The following DMD variants were observed in gnomAD, a reference collection of about 807,000 sequenced individuals.
DMD encodes mutant dystrophin.
Under a neutral mutation model 330.1 loss-of-function variants are expected in DMD, and 63 were observed. That is an observed-to-expected ratio of 0.19 (90% CI 0.16 to 0.24). DMD has a LOEUF of 0.24. Ranked by LOEUF, DMD falls within the 10% of genes least tolerant of loss-of-function variation. The pLI, the probability that DMD is intolerant of heterozygous loss-of-function variation, is 1.00. For missense variants in DMD, 3,344 were observed against 2,684.1 expected (o/e 1.25, Z -5.43); for synonymous variants, 1,223 against 959.8 (o/e 1.27, Z -5.07).
chrX:31,186,510 G>A (rs768506991), intron 67 of DMD, among the ~76,000 whole-genome samples: 2 of 111,556 alleles, frequency 1.8e-5, no homozygotes, highest in Non-Finnish European at 3.8e-5. Context: ...GAGGATGGAG[G>A]GTGGGAGGAG....
At chrX:31,787,571 G>A (rs766786696) in intron 50 of DMD, among the ~76,000 whole-genome samples, 152 of 111,175 alleles carry the variant, frequency 1.4e-3, no homozygotes, top group African/African-American at 4.9e-3. Flanking sequence ...TGTGAAATAT[G>A]CACACTTCCT....
At chrX:32,929,817 G>A (rs2089431804) in intron 2 of DMD, among the ~76,000 whole-genome samples, 1 of 111,061 alleles carries the variant, frequency 9.0e-6, no homozygotes, top group South Asian at 3.8e-4. Context: ...GTGGTATTTG[G>A]TTTTCTGTTC....
intron 44 of DMD, among the ~76,000 whole-genome samples, chrX:32,037,827 T>C (rs1422836673): frequency 8.9e-6 from 1 of 112,070 alleles, no homozygotes; most frequent in Non-Finnish European, 1.9e-5. Context: ...AAATTCTTTG[T>C]TTCCAGTGTA....
intron 7 of DMD, among the ~76,000 whole-genome samples, chrX:32,766,107 G>T (rs895635720): frequency 9.0e-6 from 1 of 111,045 alleles, no homozygotes. Context: ...TAGCTTTGTA[G>T]TAAGTTTTGA....
intron 2 of DMD, among the ~76,000 whole-genome samples, chrX:32,863,569 C>T (rs1165212484): frequency 2.1e-5 from 2 of 94,021 alleles, no homozygotes; most frequent in Non-Finnish European, 4.3e-5. Context: ...CACACACACA[C>T]ACACAAATAC....
At chrX:31,964,708 G>A (rs1016545900) in intron 45 of DMD, among the ~76,000 whole-genome samples, 1 of 109,598 alleles carries the variant, frequency 9.1e-6, no homozygotes, top group Non-Finnish European at 1.9e-5. Context: ...GTTAACAATT[G>A]TTGACTCTAA....
chrX:33,046,396 C>T (rs1333641272), intron 1 of DMD, among the ~76,000 whole-genome samples: 1 of 111,352 alleles, frequency 9.0e-6, no homozygotes, highest in Non-Finnish European at 1.9e-5. Context: ...AGGTGTAGGG[C>T]CCAAGGCTTC....
At chrX:31,965,020 A>G (rs1364921980) in intron 45 of DMD, among the ~76,000 whole-genome samples, 2 of 111,631 alleles carry the variant, frequency 1.8e-5, no homozygotes. Flanking sequence ...CAATTTAGGA[A>G]TTCCACTTCC....
chrX:33,244,621 T>A lies in DMD; in HGVS notation c.7+94638A>T, dbSNP rs776389413. On this transcript the variant is annotated intron_variant, in intron 1 of 17. Coordinates refer to the DMD transcript ENST00000288447. ...AATGGTCAATTGTGAATAAATTGTT[T>A]GATTTGATTCGTAGTTTTTTAACTG... 5.4e-5 allele frequency among the ~76,000 whole-genome samples: 6 copies of A among 112,020 alleles called. No individual in the cohort carries two copies. The East Asian group carries it at 1.7e-3, about 31-fold the overall frequency.
At chrX:31,144,999 C>T (rs771763138) in intron 76 of DMD, among the ~76,000 whole-genome samples, 1 of 111,985 alleles carries the variant, frequency 8.9e-6, no homozygotes. Flanking sequence ...GAACCTAGTC[C>T]TAGGCAGAGA....
Position 32,675,380 on chromosome X carries a change from T to A in DMD, c.960+22490A>T, listed in dbSNP as rs565973708. ...CAAGGAAAAAAGATTAATGAAGTCATCTGTTGATAGATTTCACAGCAATTA... is the reference window on the plus strand; with the variant it reads ...CAAGGAAAAAAGATTAATGAAGTCAACTGTTGATAGATTTCACAGCAATTA... On this transcript the variant is annotated intron_variant, in intron 9 of 78. Transcript: ENST00000357033. Among the ~76,000 whole-genome samples the A allele has an allele frequency of 6.3e-5, 7 of 111,588 alleles. No individual in the cohort carries two copies. The South Asian group carries it at 2.6e-3, about 41-fold the overall frequency.
At position 31,146,275 on chromosome X, in the gene DMD, T is replaced by C. The variant is rs1305608225; in HGVS notation, c.10921+16A>G. ...TTCTTCAGACAACAAAATCTGAGAG[T>C]AGCTAGGACACTTACCCATGGAGTC... On this transcript the variant is annotated intron_variant, in intron 76 of 78. Coordinates refer to ENST00000357033, the MANE Select transcript of DMD (RefSeq NM_004006.3). 16 of 1,207,156 alleles carry C rather than the reference T, an allele frequency of 1.3e-5. No individual in the cohort carries two copies. The highest frequency in any genetic ancestry group is 1.8e-5 in the African/African-American group (1 of 56,881).
chrX:32,310,612 A>T (rs779565538), intron 41 of DMD, among the ~76,000 whole-genome samples: 10 of 110,936 alleles, frequency 9.0e-5, no homozygotes, highest in Non-Finnish European at 1.5e-4. Flanking sequence ...TTCTAATTCT[A>T]ATTTGCAACT....
chrX:32,436,079 A>G (rs1025224886), intron 29 of DMD, among the ~76,000 whole-genome samples: 1 of 111,674 alleles, frequency 9.0e-6, no homozygotes, highest in Non-Finnish European at 1.9e-5. Context: ...CTGGCTATAG[A>G]CTTGTTCTGG....
At chrX:32,723,688 T>A (rs143685247) in intron 7 of DMD, among the ~76,000 whole-genome samples, 2 of 111,082 alleles carry the variant, frequency 1.8e-5, no homozygotes, top group Non-Finnish European at 3.8e-5. Flanking sequence ...ACAGTTATTA[T>A]GGAAGATAAT....
At chrX:32,638,891 TG>T (rs780789959) in intron 11 of DMD, among the ~76,000 whole-genome samples, 3 of 110,867 alleles carry the variant, frequency 2.7e-5, no homozygotes, top group Non-Finnish European at 5.7e-5. Context: ...AATAGACACT[TG>T]GGGGAAAAAA....
At chrX:31,822,653 GGTGTGTGTGTGTGTGTGT>G (rs1556919105) in intron 49 of DMD, among the ~76,000 whole-genome samples, 5 of 65,807 alleles carry the variant, frequency 7.6e-5, no homozygotes, top group African/African-American at 1.3e-4. Context: ...AAGGCAGAGG[GGTGTGTGTGTGTGTGTGT>G]GTGTGTGTGT....
At position 31,121,449 on chromosome X, in the gene DMD, TG is replaced by T. The variant is rs2032519438; in HGVS notation, c.*469del. 3.2e-5 allele frequency: 5 copies of T among 156,473 alleles called. No homozygotes were observed. Among genetic ancestry groups the T allele is most frequent in the African/African-American group, 1.8e-4 (5 of 27,362 alleles). The allele number at this position is 156,473 out of a possible 1,213,427, so 12.9% of individuals were successfully genotyped here. ...TTTTGTGTGTGTGTGTGTATGTGTG[TG>T]TGTGTGTGTTTGTTTTGTTTTTAGG... On this transcript the variant is annotated 3_prime_UTR_variant, in exon 79 of 79. Coordinates refer to ENST00000357033, the MANE Select transcript of DMD (RefSeq NM_004006.3).
At chrX:33,062,240 T>C (rs2094589855) in intron 1 of DMD, among the ~76,000 whole-genome samples, 1 of 111,564 alleles carries the variant, frequency 9.0e-6, no homozygotes. Flanking sequence ...AATTTGGGAG[T>C]CTGTTTTTCA....
Sources: allele counts gnomAD v4.1 joint callset (sites outside exome capture counted in the v4.1 genomes callset), GRCh38; gene constraint gnomAD v4.1.1; transcripts MANE v1.5; gene names NCBI Gene and HGNC (gene_info 2026-07-23, HGNC 2026-07-21).